Variants in ADGRL3 observed in about 807,000 individuals in gnomAD.
ADGRL3 encodes calcium-independent alpha-latrotoxin receptor 3.
A neutral mutation model predicts 153.5 loss-of-function variants in ADGRL3; 62 were observed. The ratio of observed to expected loss-of-function variants is 0.40; its 90% confidence interval spans 0.33 to 0.50. The LOEUF is 0.50. ADGRL3 is among the 20% of genes least tolerant of loss of function. The pLI is 0.47. For missense variants in ADGRL3, 1,641 were observed against 1,859.4 expected (o/e 0.88, Z 2.16); for synonymous variants, 710 against 672.5 (o/e 1.06, Z -0.86).
In ADGRL3 at chr4:61,899,353, T is replaced by C. The variant is rs1490853859; in HGVS notation, c.1887+3519T>C. ...TCTTTCCATTTCTGCAACTGATTTT[T>C]TTCCTGCCATTTGCCATGTTGAAAA... On this transcript the variant is annotated intron_variant, in intron 11 of 26. Coordinates refer to ENST00000683033, the MANE Select transcript of ADGRL3 (RefSeq NM_001387552.1). Among the ~76,000 whole-genome samples the C allele has an allele frequency of 5.3e-5, 8 of 152,250 alleles. No individual in the cohort carries two copies. The East Asian group carries it at 1.6e-3, about 30-fold the overall frequency.
At chr4:61,245,606 G>C (rs1756750801) in intron 1 of ADGRL3, among the ~76,000 whole-genome samples, 1 of 152,072 alleles carries the variant, frequency 6.6e-6, no homozygotes, top group African/African-American at 2.4e-5. Flanking sequence ...GTCTTGCCCA[G>C]TACTTGGCAC....
chr4:61,823,977 G>A (rs1423869069), intron 9 of ADGRL3, among the ~76,000 whole-genome samples: 2 of 152,070 alleles, frequency 1.3e-5, no homozygotes, highest in Admixed American at 6.5e-5. Context: ...CAGGAGAATT[G>A]CTTGATCCTG....
intron 2 of ADGRL3, among the ~76,000 whole-genome samples, chr4:61,401,434 T>A (rs1036902232): frequency 6.6e-6 from 1 of 151,944 alleles, no homozygotes. Context: ...AAATGAAATA[T>A]TTAGTATGTA....
At chr4:61,504,817 C>T (rs1008915907) in intron 3 of ADGRL3, among the ~76,000 whole-genome samples, 1 of 152,098 alleles carries the variant, frequency 6.6e-6, no homozygotes, top group East Asian at 1.9e-4. Context: ...GGATAAATTT[C>T]ATTGTGTATG....
intron 2 of ADGRL3, among the ~76,000 whole-genome samples, chr4:61,397,429 TG>T (rs2096881490): frequency 6.6e-6 from 1 of 151,862 alleles, no homozygotes; most frequent in Admixed American, 6.6e-5. Context: ...TGTGGGGATG[TG>T]GGGTGGGAAA....
intron 8 of ADGRL3, among the ~76,000 whole-genome samples, chr4:61,777,729 G>A (rs1399870015): frequency 6.6e-6 from 1 of 152,118 alleles, no homozygotes; most frequent in Non-Finnish European, 1.5e-5. Context: ...AAAACTGCAA[G>A]AGAAGAGCCT....
At chr4:61,449,671 G>T (rs2097650512) in intron 2 of ADGRL3, among the ~76,000 whole-genome samples, 1 of 152,054 alleles carries the variant, frequency 6.6e-6, no homozygotes, top group African/African-American at 2.4e-5. Flanking sequence ...CTTGACTTTA[G>T]TTACTTAAAG....
chr4:61,606,978 C>A (rs2099034753), intron 5 of ADGRL3, among the ~76,000 whole-genome samples: 2 of 152,112 alleles, frequency 1.3e-5, no homozygotes, highest in African/African-American at 4.8e-5. Context: ...TCTACACAGA[C>A]AAAAGCAATT....
rs547178801 is a variant in ADGRL3 at position 61,871,735 on chromosome 4, A to C, written c.1481-20921A>C. Among the ~76,000 whole-genome samples the C allele has an allele frequency of 6.6e-5, 10 of 152,328 alleles. No homozygotes were observed. The South Asian group carries it at 2.1e-3, about 32-fold the overall frequency. ...TATACTAAAAATCATTGAATTGTAC[A>C]CTTAGGTAGCTGAATTATATGGTAT... On this transcript the variant is annotated intron_variant, in intron 9 of 26. Transcript: ENST00000683033.
rs559934812 is a variant in ADGRL3 at position 61,545,972 on chromosome 4, A to C, written c.259+28454A>C. 5.3e-5 allele frequency among the ~76,000 whole-genome samples: 8 copies of C among 152,322 alleles called. No individual in the cohort carries two copies. In the South Asian group the frequency reaches 1.5e-3, roughly 28 times the overall value. ...TGGGTCCTCTTAGTTTAATCTAAGG[A>C]CTGTGCTGTCCCCACATCAATAAGC... is the stretch of plus-strand genomic sequence containing the variant. On this transcript the variant is annotated intron_variant, in intron 4 of 26. Coordinates refer to ENST00000683033, the MANE Select transcript of ADGRL3 (RefSeq NM_001387552.1).
At chr4:62,005,961 T>TACACAC (rs1242911317) in intron 21 of ADGRL3, among the ~76,000 whole-genome samples, 3 of 82,698 alleles carry the variant, frequency 3.6e-5, no homozygotes, top group South Asian at 6.4e-4. Flanking sequence ...TACATATATA[T>TACACAC]ACACATACAC....
At chr4:62,046,170 A>G (rs1039376002) in intron 25 of ADGRL3, among the ~76,000 whole-genome samples, 1 of 151,882 alleles carries the variant, frequency 6.6e-6, no homozygotes, top group Admixed American at 6.6e-5. Context: ...TGATAGAACT[A>G]TCTTTCATTT....
chr4:61,578,659 G>A (rs1236920742), intron 4 of ADGRL3, among the ~76,000 whole-genome samples: 2 of 151,926 alleles, frequency 1.3e-5, no homozygotes, highest in Admixed American at 6.6e-5. Context: ...ACATTTCATT[G>A]CTCAGATTTT....
chr4:61,485,256 TG>T (rs1383007941), intron 2 of ADGRL3, among the ~76,000 whole-genome samples: 1 of 152,210 alleles, frequency 6.6e-6, no homozygotes, highest in Non-Finnish European at 1.5e-5. Flanking sequence ...GAATGAAATA[TG>T]GGAAAATTAT....
intron 2 of ADGRL3, among the ~76,000 whole-genome samples, chr4:61,397,479 G>C (rs887418429): frequency 2.6e-5 from 4 of 151,900 alleles, no homozygotes; most frequent in African/African-American, 7.2e-5. Context: ...TGCTTTTTCA[G>C]ATTCCTTCAG....
chr4:61,903,074 C>T (rs1373758167), intron 11 of ADGRL3, among the ~76,000 whole-genome samples: 1 of 152,186 alleles, frequency 6.6e-6, no homozygotes, highest in Non-Finnish European at 1.5e-5. Context: ...GACACAAACA[C>T]ATGGATATGC....
chr4:61,785,657 CTCTT>C (rs2097267958), intron 8 of ADGRL3, among the ~76,000 whole-genome samples: 1 of 152,168 alleles, frequency 6.6e-6, no homozygotes, highest in Non-Finnish European at 1.5e-5. Context: ...CTTAGTCTCT[CTCTT>C]TCTCCTTCTT....
At chr4:61,680,566 A>G (rs146108164) in intron 6 of ADGRL3, among the ~76,000 whole-genome samples, 62 of 152,060 alleles carry the variant, frequency 4.1e-4, no homozygotes, top group African/African-American at 1.4e-3. Context: ...GACAGAGTCA[A>G]TAAAGTTCAT....
intron 6 of ADGRL3, among the ~76,000 whole-genome samples, chr4:61,700,449 GAAT>G (rs1314727290): frequency 6.6e-6 from 1 of 152,116 alleles, no homozygotes; most frequent in Non-Finnish European, 1.5e-5. Context: ...CGGTTTTATA[GAAT>G]AATATAGCAG....
Sources: allele counts gnomAD v4.1 joint callset (sites outside exome capture counted in the v4.1 genomes callset), GRCh38; gene constraint gnomAD v4.1.1; transcripts MANE v1.5; gene names NCBI Gene and HGNC (gene_info 2026-07-23, HGNC 2026-07-21).